The following RBM15 variants were observed in gnomAD, a reference collection of about 807,000 sequenced individuals.
RBM15 encodes RNA binding motif protein 15, also known as RNA-binding protein 15.
A neutral mutation model predicts 62.6 loss-of-function variants in RBM15; 8 were observed. That is an observed-to-expected ratio of 0.13 (90% CI 0.07 to 0.23). RBM15 has a LOEUF of 0.23. RBM15 is among the 10% of genes least tolerant of loss of function. The pLI is 1.00. For missense variants in RBM15, 1,144 were observed against 1,286.5 expected (o/e 0.89, Z 1.69); for synonymous variants, 606 against 505.7 (o/e 1.20, Z -2.66).
intron 1 of RBM15, among the ~76,000 whole-genome samples, chr1:110,343,042 T>A (rs1027664003): frequency 2.0e-5 from 3 of 152,300 alleles, no homozygotes; most frequent in African/African-American, 7.2e-5. Flanking sequence ...GGTCAGTTAT[T>A]GGTGTGTGGT....
At position 110,340,318 on chromosome 1, in the gene RBM15, T is replaced by A; in HGVS notation, c.913T>A (p.Tyr305Asn). ...PGGAALGYRD[Y>N]RLQQLALGRL... ...TGGCGCTGCTTTGGGATACAGAGAC[T>A]ACCGGCTGCAGCAGTTGGCTCTTGG... The change falls in exon 1 of 3, where the codon TAC (tyrosine) becomes AAC (asparagine). Residue 305 changes from tyrosine (Y) to asparagine (N), a missense_variant. Physicochemically the swap from Tyr to Asn is moderately radical, Grantham distance 143. Around this residue, in one of 8 missense-constraint regions of RBM15, gnomAD observed 188 missense variants for 185.6 expected, o/e 1.01. Coordinates refer to ENST00000369784, the MANE Select transcript of RBM15 (RefSeq NM_022768.5). This position sits in a 1 kb window ranked among gnomAD's most constrained non-coding sequence, Gnocchi z 5.8. 2 of 1,614,214 alleles carry A rather than the reference T, an allele frequency of 1.2e-6. No homozygotes were observed. Among genetic ancestry groups the A allele is most frequent in the Non-Finnish European group, 1.7e-6 (2 of 1,180,030 alleles).
rs1557890490 is a variant in RBM15, at chr1:110,339,667, A to ACCG, written c.263_265dup (p.Thr88_Asp89insAla). 1.2e-6 allele frequency: 2 copies of ACCG among 1,613,166 alleles called. No homozygotes were observed. The highest frequency in any genetic ancestry group is 4.5e-5 in the East Asian group (2 of 44,882). On this transcript the variant is annotated inframe_insertion, in exon 1 of 3. Coordinates refer to ENST00000369784, the MANE Select transcript of RBM15 (RefSeq NM_022768.5). ...CAGCAATGGGAGCAGCAGCGGAAAG[A>ACCG]CCGATAGCGGCGGTGGGTCGCGGCG...
chr1:110,345,569 A>T lies in RBM15; in HGVS notation c.2894A>T (p.Glu965Val). 6.2e-7 allele frequency: 1 copy of T among 1,612,054 alleles called. No individual in the cohort carries two copies. Among genetic ancestry groups the T allele is most frequent in the Non-Finnish European group, 8.5e-7 (1 of 1,178,940 alleles). ...GFGFQIGVRY[E>V]NKKRENLALT... ...GGTTTTCAGATAGGAGTTAGGTATG[A>T]GAACAAGAAGAGAGAAAACTTGGCG... Residue 965 changes from glutamate (E) to valine (V), a missense_variant, in exon 2 of 3, where the codon GAG becomes GTG. Around this residue, in one of 8 missense-constraint regions of RBM15, gnomAD observed 144 missense variants for 223.3 expected, o/e 0.64. Transcript: ENST00000369784.
chr1:110,343,762 T>A (rs1233112187), intron 1 of RBM15, among the ~76,000 whole-genome samples: 2 of 152,216 alleles, frequency 1.3e-5, no homozygotes, highest in Non-Finnish European at 2.9e-5. Context: ...GTTTCTGTTC[T>A]ATGAAAGTGA....
Position 110,346,621 on chromosome 1 carries a change from G to T in RBM15, c.*354G>T. On this transcript the variant is annotated 3_prime_UTR_variant, in exon 3 of 3. Transcript: ENST00000369784. ...AAGAGTAGCTGTCTCTCAAACGTGC[G>T]CTCACAGTTGAGCTGCTTTTGTTTT... 1 of 453,464 alleles carries T rather than the reference G, an allele frequency of 2.2e-6. No homozygotes were observed. The highest frequency in any genetic ancestry group is 3.9e-6 in the Non-Finnish European group (1 of 256,138). The allele number at this position is 453,464 out of a possible 1,614,324, so 28.1% of individuals were successfully genotyped here.
chr1:110,340,572 T>C lies in RBM15; in HGVS notation c.1167T>C (p.Asp389=), dbSNP rs764869917. The C allele has an allele frequency of 5.0e-6, 8 of 1,614,034 alleles. No homozygotes were observed. The South Asian group carries it at 5.5e-5, about 11-fold the overall frequency. Residue 389 remains aspartate, a synonymous_variant, in exon 1 of 3, where the codon GAT becomes GAC. Coordinates refer to ENST00000369784, the MANE Select transcript of RBM15 (RefSeq NM_022768.5). This position sits in a 1 kb window ranked among gnomAD's most constrained non-coding sequence, Gnocchi z 5.8. ...GNLDITVTES[D]LRRAFDRFGV... ...TAGACATCACTGTAACGGAGAGTGA[T>C]TTAAGAAGGGCGTTTGATCGCTTTG...
rs112802357 is a variant in RBM15 at position 110,341,514 on chromosome 1, A to G, written c.2109A>G (p.Arg703=). The G allele has an allele frequency of 6.2e-7, 1 of 1,614,082 alleles. No individual in the cohort carries two copies. Among genetic ancestry groups the G allele is most frequent in the Admixed American group, 1.7e-5 (1 of 60,018 alleles). The change falls in exon 1 of 3, where the codon AGA becomes AGG. Residue 703 remains arginine (R), a synonymous_variant. Transcript: ENST00000369784. This position sits in a 1 kb window ranked among gnomAD's most constrained non-coding sequence, Gnocchi z 4.5. ...TCTTGGAAAGGCCCTCTCCAATCAG[A>G]GACAGACGAGGTAGTTTGGAGAAGA... ...RLLLERPSPI[R]DRRGSLEKSQ...
intron 1 of RBM15, among the ~76,000 whole-genome samples, chr1:110,344,887 T>A (rs1660869803): frequency 6.6e-6 from 1 of 152,208 alleles, no homozygotes; most frequent in Non-Finnish European, 1.5e-5. Context: ...CTTCAGGATA[T>A]CATTTAATGA....
chr1:110,346,608 C>G lies in RBM15; in HGVS notation c.*341C>G, dbSNP rs1172924631. On this transcript the variant is annotated 3_prime_UTR_variant, in exon 3 of 3. Coordinates refer to ENST00000369784, the MANE Select transcript of RBM15 (RefSeq NM_022768.5). ...GCTCACACAGCTTAAGAGTAGCTGT[C>G]TCTCAAACGTGCGCTCACAGTTGAG... is the stretch of plus-strand genomic sequence containing the variant. The G allele has an allele frequency of 8.5e-6, 4 of 469,024 alleles. No individual in the cohort carries two copies. The highest frequency in any genetic ancestry group is 6.0e-5 in the African/African-American group (3 of 50,034). 29.1% of individuals were successfully genotyped at this position (469,024 alleles called of 1,614,324 possible).
chr1:110,346,095 T>G (rs2100943383), intron 2 of RBM15, among the ~76,000 whole-genome samples: 1 of 152,330 alleles, frequency 6.6e-6, no homozygotes, highest in African/African-American at 2.4e-5. Context: ...AAACCCACCC[T>G]ATTGTTCTAC....
chr1:110,340,792 G>A lies in RBM15; in HGVS notation c.1387G>A (p.Gly463Arg). Residue 463 changes from glycine (G) to arginine (R), a missense_variant, in exon 1 of 3, where the codon GGA (glycine) becomes AGA (arginine). By Grantham distance (125) the Gly-to-Arg change is moderately radical. This residue lies in a region of RBM15 where 105 missense variants were observed against 193.6 expected (regional missense o/e 0.54). Transcript: ENST00000369784. This position sits in a 1 kb window ranked among gnomAD's most constrained non-coding sequence, Gnocchi z 5.8. ...CACCCGCCTCTGGGTGGGAGGCCTG[G>A]GACCTTGGGTTCCTCTTGCTGCCCT... ...PTTRLWVGGLGPWVPLAALAR... is the reference protein window; with the variant it reads ...PTTRLWVGGLRPWVPLAALAR... 1 of 1,614,150 alleles carries A rather than the reference G, an allele frequency of 6.2e-7. No individual in the cohort carries two copies. The highest frequency in any genetic ancestry group is 1.3e-5 in the African/African-American group (1 of 75,036).
In RBM15 at chr1:110,340,044, G is replaced by A. The variant is rs574545607; in HGVS notation, c.639G>A (p.Gly213=). 4 of 1,614,112 alleles carry A rather than the reference G, an allele frequency of 2.5e-6. No homozygotes were observed. Among genetic ancestry groups the A allele is most frequent in the Admixed American group, 1.7e-5 (1 of 60,034 alleles). The part of the protein sequence containing the change: ...KISHLSGSGS[G]DERVAFVNFR... Reference sequence around the variant, plus strand: ...GTCATCTGTCGGGTTCTGGCAGCGGGGATGAGCGGGTAGCCTTTGTGAACT... The same window carrying A: ...GTCATCTGTCGGGTTCTGGCAGCGGAGATGAGCGGGTAGCCTTTGTGAACT... Residue 213 remains glycine (G), a synonymous_variant, in exon 1 of 3, where the codon GGG becomes GGA. Transcript: ENST00000369784. This position sits in a 1 kb window ranked among gnomAD's most constrained non-coding sequence, Gnocchi z 5.8.
chr1:110,346,309 A>T lies in RBM15; in HGVS notation c.*42A>T. 6.3e-7 allele frequency: 1 copy of T among 1,598,398 alleles called. No homozygotes were observed. Among genetic ancestry groups the T allele is most frequent in the Non-Finnish European group, 8.5e-7 (1 of 1,179,768 alleles). On this transcript the variant is annotated splice_region_variant and 3_prime_UTR_variant, in exon 3 of 3. Transcript: ENST00000369784. ...CCTTTTTTTCCCCCCCTCCGCAAGC[A>T]AAACTGGTTGAACAGCGGATGAAGA...
At position 110,341,427 on chromosome 1, in the gene RBM15, T is replaced by C; in HGVS notation, c.2022T>C (p.Ser674=). ...ACTGCGCTCCTTCTCCTGACCGCAG[T>C]CCAGAATTGAGCAGTAGCCGGGATC... ...KRHCAPSPDR[S]PELSSSRDRY... is the part of the protein sequence containing the mutation. Residue 674 remains serine (S), a synonymous_variant, in exon 1 of 3, where the codon AGT becomes AGC. Coordinates refer to ENST00000369784, the MANE Select transcript of RBM15 (RefSeq NM_022768.5). This position sits in a 1 kb window ranked among gnomAD's most constrained non-coding sequence, Gnocchi z 4.5. The C allele has an allele frequency of 6.2e-7, 1 of 1,614,058 alleles. No homozygotes were observed. The highest frequency in any genetic ancestry group is 1.1e-5 in the South Asian group (1 of 91,078).
chr1:110,340,497 T>C lies in RBM15; in HGVS notation c.1092T>C (p.Ile364=), dbSNP rs1260731927. 6.2e-7 allele frequency: 1 copy of C among 1,614,104 alleles called. No homozygotes were observed. The highest frequency in any genetic ancestry group is 8.5e-7 in the Non-Finnish European group (1 of 1,180,016). ...CTCCTTTCAGAGAAGTGGATGAGAT[T>C]TCACCCGAGGATGATCAGCGAGCTA... is the stretch of plus-strand genomic sequence containing the variant. ...GAAPFREVDE[I]SPEDDQRANR... is the part of the protein sequence containing the mutation. The change falls in exon 1 of 3, where the codon ATT becomes ATC. Residue 364 remains isoleucine (I), a synonymous_variant. Transcript: ENST00000369784. This position sits in a 1 kb window ranked among gnomAD's most constrained non-coding sequence, Gnocchi z 5.8.
chr1:110,341,519 G>A lies in RBM15; in HGVS notation c.2114G>A (p.Arg705Lys). The change falls in exon 1 of 3, where the codon AGA (arginine) becomes AAA (lysine). Residue 705 changes from arginine to lysine, a missense_variant. Around this residue, in one of 8 missense-constraint regions of RBM15, gnomAD observed 360 missense variants for 342.9 expected, o/e 1.05. Coordinates refer to ENST00000369784, the MANE Select transcript of RBM15 (RefSeq NM_022768.5). This position sits in a 1 kb window ranked among gnomAD's most constrained non-coding sequence, Gnocchi z 4.5. ...GAAAGGCCCTCTCCAATCAGAGACA[G>A]ACGAGGTAGTTTGGAGAAGAGCCAG... ...LLERPSPIRD[R>K]RGSLEKSQGD... 6.2e-7 allele frequency: 1 copy of A among 1,614,110 alleles called. No individual in the cohort carries two copies. Among genetic ancestry groups the A allele is most frequent in the African/African-American group, 1.3e-5 (1 of 75,050 alleles).
chr1:110,340,276 A>C lies in RBM15; in HGVS notation c.871A>C (p.Arg291=). ...RHPPGGGGGQ[R]SLSPGGAALG... ...CCCCCCTGGAGGTGGTGGAGGCCAG[A>C]GATCACTTTCCCCTGGTGGCGCTGC... Residue 291 remains arginine, a synonymous_variant, in exon 1 of 3, where the codon AGA becomes CGA. Transcript: ENST00000369784. This position sits in a 1 kb window ranked among gnomAD's most constrained non-coding sequence, Gnocchi z 5.8. 1 of 1,614,214 alleles carries C rather than the reference A, an allele frequency of 6.2e-7. No homozygotes were observed. Among genetic ancestry groups the C allele is most frequent in the Non-Finnish European group, 8.5e-7 (1 of 1,180,030 alleles).
chr1:110,339,478 A>G lies in RBM15; in HGVS notation c.73A>G (p.Thr25Ala). The G allele has an allele frequency of 6.4e-7, 1 of 1,570,380 alleles. No individual in the cohort carries two copies. Among genetic ancestry groups the G allele is most frequent in the East Asian group, 2.3e-5 (1 of 44,302 alleles). Reference sequence around the variant, plus strand: ...GCGGCGTGCGGTTCCGCTGTGTGAAACGAGCGCGGGGCGGCGGGTTACTCA... The same window carrying G: ...GCGGCGTGCGGTTCCGCTGTGTGAAGCGAGCGCGGGGCGGCGGGTTACTCA... The part of the protein sequence containing the change: ...RWRRAVPLCE[T>A]SAGRRVTQLR... Residue 25 changes from threonine (T) to alanine (A), a missense_variant, in exon 1 of 3, where the codon ACG becomes GCG. By Grantham distance (58) the Thr-to-Ala change is moderately conservative. Transcript: ENST00000369784.
In RBM15 at chr1:110,340,415, A is replaced by G. The variant is rs756463194; in HGVS notation, c.1010A>G (p.Glu337Gly). The change falls in exon 1 of 3, where the codon GAG becomes GGG. Residue 337 changes from glutamate (E) to glycine (G), a missense_variant. By Grantham distance (98) the Glu-to-Gly change is moderately conservative (BLOSUM62 -2). Coordinates refer to ENST00000369784, the MANE Select transcript of RBM15 (RefSeq NM_022768.5). This position sits in a 1 kb window ranked among gnomAD's most constrained non-coding sequence, Gnocchi z 5.8. ...AGAGAAAGAGACTACCCGTTCTATG[A>G]GAGAGTGCGCCCTGCATACAGTCTT... The part of the protein sequence containing the change: ...LERERDYPFY[E>G]RVRPAYSLEP... 1 of 1,614,186 alleles carries G rather than the reference A, an allele frequency of 6.2e-7. No homozygotes were observed. Among genetic ancestry groups the G allele is most frequent in the Non-Finnish European group, 8.5e-7 (1 of 1,180,038 alleles).
Sources: allele counts gnomAD v4.1 joint callset (sites outside exome capture counted in the v4.1 genomes callset), GRCh38; gene constraint gnomAD v4.1.1; regional missense constraint gnomAD v4.1.1; non-coding constraint Gnocchi (gnomAD v3.1); transcripts MANE v1.5; gene names NCBI Gene and HGNC (gene_info 2026-07-23, HGNC 2026-07-21).